Variants in AR observed in about 807,000 individuals in gnomAD.
AR encodes androgen receptor, also known as dihydrotestosterone receptor.
Under a neutral mutation model 53.9 loss-of-function variants are expected in AR, and 8 were observed. The observed-to-expected ratio is 0.15, with a 90% CI of 0.09 to 0.27. The LOEUF is 0.27. AR is among the 10% of genes least tolerant of loss of function. AR has a pLI of 1.00. For missense variants in AR, 639 were observed against 742.5 expected (o/e 0.86, Z 1.62); for synonymous variants, 359 against 316.4 (o/e 1.13, Z -1.43).
intron 3 of AR, among the ~76,000 whole-genome samples, chrX:67,708,596 C>T (rs1225203941): frequency 4.5e-5 from 5 of 111,772 alleles, no homozygotes; most frequent in African/African-American, 1.6e-4. Flanking sequence ...AAACTTCCTC[C>T]TTTAGCTTGG....
rs148009261 is a variant in AR at position 67,681,065 on chromosome X, C to A, written c.1769-4945C>A. The A allele has an allele frequency of 2.5e-4, 43 of 173,074 alleles. 2 individuals carry two copies. The East Asian group carries it at 5.9e-3, about 24-fold the overall frequency. 14.3% of individuals were successfully genotyped at this position (173,074 alleles called of 1,213,427 possible). Reference sequence around the variant, plus strand: ...TATTATGCATTTCAATGAGTGATTTCTTTGCAGCTCTAGAGTGTGGCCTTA... The same window carrying A: ...TATTATGCATTTCAATGAGTGATTTATTTGCAGCTCTAGAGTGTGGCCTTA... On this transcript the variant is annotated intron_variant, in intron 2 of 7. Transcript: ENST00000374690.
At position 67,727,594 on chromosome X, in the gene AR, C is replaced by A. The variant is rs763817450; in HGVS notation, c.*3753C>A. ...ACAGATGTGGCCTTTCCCCCCTTCTCTCCCTTGATATCTGGCAGGGCATAA... is the reference window on the plus strand; with the variant it reads ...ACAGATGTGGCCTTTCCCCCCTTCTATCCCTTGATATCTGGCAGGGCATAA... On this transcript the variant is annotated 3_prime_UTR_variant, in exon 8 of 8. Coordinates refer to ENST00000374690, the MANE Select transcript of AR (RefSeq NM_000044.6). The A allele has an allele frequency of 1.8e-4, 31 of 173,088 alleles. No homozygotes were observed. The East Asian group carries it at 2.6e-3, about 14-fold the overall frequency. The allele number at this position is 173,088 out of a possible 1,213,427, so 14.3% of individuals were successfully genotyped here.
intron 5 of AR, among the ~76,000 whole-genome samples, chrX:67,719,441 A>G (rs1446701176): frequency 9.0e-6 from 1 of 111,495 alleles, no homozygotes; most frequent in Non-Finnish European, 1.9e-5. Context: ...GCCTCTAAGT[A>G]AGCATGTGGC....
intron 2 of AR, among the ~76,000 whole-genome samples, chrX:67,680,340 C>T (rs984495923): frequency 7.2e-5 from 8 of 111,815 alleles, no homozygotes; most frequent in African/African-American, 2.6e-4. Context: ...TCACAAATAT[C>T]TTGGCATTGT....
chrX:67,569,788 T>C (rs1038935099), intron 1 of AR, among the ~76,000 whole-genome samples: 11 of 111,640 alleles, frequency 9.9e-5, no homozygotes, highest in African/African-American at 3.6e-4. Context: ...TTTGTGTGTC[T>C]AAGCAAGACT....
rs1555997940 is a variant in AR, at chrX:67,723,312, C to CTCTGTGTGTGTGTGTGTGTG, written c.2607+329_2607+330insCTGTGTGTGTGTGTGTGTGT. ...GTCATGTTCATGTGAGTTTGTCTGT[C>CTCTGTGTGTGTGTGTGTGTG]TGTGTGTGTGTGTGTGTGTGTGTGT... is the stretch of plus-strand genomic sequence containing the variant. On this transcript the variant is annotated intron_variant, in intron 7 of 7. Coordinates refer to ENST00000374690, the MANE Select transcript of AR (RefSeq NM_000044.6). Among the ~76,000 whole-genome samples, 148 of 78,010 alleles carry CTCTGTGTGTGTGTGTGTGTG rather than the reference C, an allele frequency of 1.9e-3. 13 individuals are homozygous for CTCTGTGTGTGTGTGTGTGTG. Among genetic ancestry groups the CTCTGTGTGTGTGTGTGTGTG allele is most frequent in the African/African-American group, 6.7e-3 (124 of 18,391 alleles). 67.7% of individuals were successfully genotyped at this position (78,010 alleles called of 115,157 possible). A position where few individuals can be genotyped will look rare whatever the true frequency, so the allele number is the denominator to read the frequency against.
At chrX:67,689,418 T>C in intron 3 of AR, 1 of 316,577 alleles carries the variant, frequency 3.2e-6, no homozygotes, top group Non-Finnish European at 4.6e-6. Flanking sequence ...GGCCTCAAGA[T>C]CTTTAATCTG....
rs777952729 is a variant in AR, at chrX:67,687,256, G to C, written c.1885+1130G>C. Among the ~76,000 whole-genome samples, 7 of 111,846 alleles carry C rather than the reference G, an allele frequency of 6.3e-5. No homozygotes were observed. In the East Asian group the frequency reaches 1.7e-3, roughly 27 times the overall value. On this transcript the variant is annotated intron_variant, in intron 3 of 7. Coordinates refer to ENST00000374690, the MANE Select transcript of AR (RefSeq NM_000044.6). ...TGTGCACATTTATAGACAACAACTA[G>C]TTCTCTTATCCTGGAGCAGGGCCAT... is the stretch of plus-strand genomic sequence containing the variant.
At chrX:67,562,971 A>G (rs916755867) in intron 1 of AR, among the ~76,000 whole-genome samples, 3 of 112,190 alleles carry the variant, frequency 2.7e-5, no homozygotes, top group Non-Finnish European at 3.8e-5. Flanking sequence ...ATATCTGTCT[A>G]TCTATTGGCT....
At position 67,590,601 on chromosome X, in the gene AR, A is replaced by C. The variant is rs184706922; in HGVS notation, c.1616+43839A>C. On this transcript the variant is annotated intron_variant, in intron 1 of 7. Transcript: ENST00000374690. ...TGAAAGCTATTATTATTTTCCTTTC[A>C]CTGTCTATTATCTCAACTCTTCTAT... 1.1e-4 allele frequency among the ~76,000 whole-genome samples: 12 copies of C among 112,167 alleles called. No homozygotes were observed. The Admixed American group carries it at 1.1e-3, about 11-fold the overall frequency.
chrX:67,624,080 AC>A (rs1298104158), intron 1 of AR, among the ~76,000 whole-genome samples: 1 of 110,831 alleles, frequency 9.0e-6, no homozygotes, highest in African/African-American at 3.3e-5. Flanking sequence ...ACACTTTTAA[AC>A]CATCAGCTCT....
chrX:67,651,327 G>A (rs749329956), intron 2 of AR, among the ~76,000 whole-genome samples: 1 of 109,984 alleles, frequency 9.1e-6, no homozygotes. Context: ...GATTACAGGC[G>A]TGAAAATGTG....
chrX:67,619,738 A>T (rs1201565509), intron 1 of AR, among the ~76,000 whole-genome samples: 1 of 111,266 alleles, frequency 9.0e-6, no homozygotes, highest in African/African-American at 3.3e-5. Context: ...ACTGGGACGT[A>T]TAGTGGTCCA....
intron 4 of AR, among the ~76,000 whole-genome samples, chrX:67,713,048 C>T (rs1001242845): frequency 8.9e-6 from 1 of 111,892 alleles, no homozygotes; most frequent in African/African-American, 3.2e-5. Flanking sequence ...TCTCCTGATT[C>T]CAAATTCTCT....
intron 1 of AR, among the ~76,000 whole-genome samples, chrX:67,628,588 A>T (rs1924845288): frequency 9.2e-6 from 1 of 108,581 alleles, no homozygotes; most frequent in Non-Finnish European, 1.9e-5. Flanking sequence ...GCAAACAGGG[A>T]CAATTTGACT....
At chrX:67,643,644 G>T (rs1925906221) in intron 2 of AR, among the ~76,000 whole-genome samples, 1 of 111,725 alleles carries the variant, frequency 9.0e-6, no homozygotes, top group African/African-American at 3.3e-5. Context: ...CTGGGGCTTG[G>T]GGCTCAGTGG....
chrX:67,704,106 ATG>A (rs1345967195), intron 3 of AR, among the ~76,000 whole-genome samples: 1 of 111,922 alleles, frequency 8.9e-6, no homozygotes, highest in East Asian at 2.8e-4. Flanking sequence ...CAATAAACAT[ATG>A]TGTGCATGTA....
intron 2 of AR, among the ~76,000 whole-genome samples, chrX:67,668,686 G>A (rs772523552): frequency 8.1e-5 from 9 of 110,958 alleles, no homozygotes; most frequent in Non-Finnish European, 1.7e-4. Flanking sequence ...ATTGGGTCCT[G>A]GGCTTTTTAC....
At chrX:67,646,419 A>G (rs1446214554) in intron 2 of AR, among the ~76,000 whole-genome samples, 2 of 111,293 alleles carry the variant, frequency 1.8e-5, no homozygotes, top group Non-Finnish European at 3.8e-5. Context: ...GGGTAAAATG[A>G]CCAAATTCTG....
Sources: gnomAD v4.1 joint callset for allele counts (sites outside exome capture counted in the v4.1 genomes callset) on GRCh38, gnomAD v4.1.1 for gene constraint, MANE v1.5 for transcripts, NCBI Gene and HGNC (gene_info 2026-07-23, HGNC 2026-07-21) for gene names.